SDK1: variants seen among roughly 807,000 people sequenced by gnomAD.
The protein encoded by SDK1 is sidekick cell adhesion molecule 1.
In SDK1, 157 loss-of-function variants were observed where a neutral mutation model predicts 245.5. The observed-to-expected ratio is 0.64, with a 90% CI of 0.56 to 0.73. The LOEUF (loss-of-function observed/expected upper bound fraction) is 0.73, where lower values mean the gene tolerates loss of function less well. SDK1 is among the 30% of genes least tolerant of loss of function. The pLI, the probability that SDK1 is intolerant of heterozygous loss-of-function variation, is 0.00. For missense variants in SDK1, 3,583 were observed against 3,002.3 expected (o/e 1.19, Z -4.52); for synonymous variants, 1,647 against 1,278.5 (o/e 1.29, Z -6.15).
intron 5 of SDK1, among the ~76,000 whole-genome samples, chr7:3,838,024 G>GTATT (rs1780065223): frequency 6.6e-6 from 1 of 152,178 alleles, no homozygotes; most frequent in East Asian, 1.9e-4. Flanking sequence ...ATACCTCCCT[G>GTATT]TATTTTGTAT....
intron 22 of SDK1, among the ~76,000 whole-genome samples, chr7:4,096,898 A>T (rs1782183629): frequency 6.6e-6 from 1 of 152,150 alleles, no homozygotes; most frequent in Admixed American, 6.5e-5. Flanking sequence ...GACTGTAAGG[A>T]TCTGTAGCCC....
chr7:3,573,520 C>T (rs1780183004), intron 1 of SDK1, among the ~76,000 whole-genome samples: 1 of 152,086 alleles, frequency 6.6e-6, no homozygotes, highest in South Asian at 2.1e-4. Context: ...CCCTGAGAAA[C>T]AACAGCCTCC....
intron 4 of SDK1, among the ~76,000 whole-genome samples, chr7:3,765,145 C>T (rs970185801): frequency 6.6e-6 from 1 of 151,880 alleles, no homozygotes; most frequent in Non-Finnish European, 1.5e-5. Context: ...TTAGCTTGTA[C>T]TAGAACAATA....
chr7:3,323,997 G>A lies in SDK1; in HGVS notation c.298+22113G>A, dbSNP rs77160621. ...CGTTTGGTCTCATATTCCTCTGTGT[G>A]TTACAAGAATTGTATCATGTTATCT... On this transcript the variant is annotated intron_variant, in intron 1 of 44. Transcript: ENST00000404826. Among the ~76,000 whole-genome samples the A allele has an allele frequency of 4.6e-3, 705 of 152,302 alleles. 7 individuals are homozygous for A. Among genetic ancestry groups the A allele is most frequent in the African/African-American group, 0.016 (676 of 41,574 alleles).
At chr7:4,091,978 C>T (rs1017926775) in intron 22 of SDK1, among the ~76,000 whole-genome samples, 4 of 152,124 alleles carry the variant, frequency 2.6e-5, no homozygotes, top group Admixed American at 6.6e-5. Context: ...CCAGGAAAGA[C>T]ATCGTGACAA....
At chr7:4,115,013 A>C (rs138682963) in intron 25 of SDK1, among the ~76,000 whole-genome samples, 1,736 of 152,304 alleles carry the variant, frequency 0.011, 15 homozygotes, top group Middle Eastern at 0.024. Flanking sequence ...TAATGCTGAA[A>C]GTGGCTGCCT....
chr7:3,534,838 A>C (rs1448456325), intron 1 of SDK1, among the ~76,000 whole-genome samples: 1 of 152,180 alleles, frequency 6.6e-6, no homozygotes, highest in African/African-American at 2.4e-5. Context: ...AGTTGTGCCA[A>C]TCATGTTCAA....
intron 4 of SDK1, among the ~76,000 whole-genome samples, chr7:3,693,344 C>T (rs975652090): frequency 6.6e-6 from 1 of 152,000 alleles, no homozygotes; most frequent in Admixed American, 6.6e-5. Flanking sequence ...TGTATTGTTT[C>T]ATAGTGTTAC....
At chr7:3,354,045 T>A (rs1394015911) in intron 1 of SDK1, among the ~76,000 whole-genome samples, 4 of 150,666 alleles carry the variant, frequency 2.7e-5, no homozygotes, top group African/African-American at 9.8e-5. Flanking sequence ...CAGGCTGGAG[T>A]GCAGTGGCGA....
At chr7:3,933,612 A>G (rs1780057427) in intron 5 of SDK1, among the ~76,000 whole-genome samples, 1 of 152,238 alleles carries the variant, frequency 6.6e-6, no homozygotes, top group African/African-American at 2.4e-5. Flanking sequence ...CAAACTTGAA[A>G]TAAACAAGAC....
intron 30 of SDK1, among the ~76,000 whole-genome samples, chr7:4,156,469 C>G (rs982037320): frequency 1.3e-5 from 2 of 152,114 alleles, no homozygotes; most frequent in Admixed American, 6.5e-5. Flanking sequence ...CAGTTGTGGA[C>G]GCTGAGTGCA....
At chr7:3,641,909 C>T (rs749330958) in intron 3 of SDK1, 49 bp from the exon 4 acceptor site, 10 of 1,537,858 alleles carry the variant, frequency 6.5e-6, no homozygotes, top group Non-Finnish European at 8.9e-6. Context: ...CCCCTTCCCT[C>T]CCCCAAAAAT....
At chr7:3,753,768 T>C (rs567579912) in intron 4 of SDK1, among the ~76,000 whole-genome samples, 31 of 152,334 alleles carry the variant, frequency 2.0e-4, no homozygotes, top group African/African-American at 7.5e-4. Flanking sequence ...AGACTGAATA[T>C]GGCTGAGTAT....
chr7:3,321,966 C>CT (rs899797806), intron 1 of SDK1, among the ~76,000 whole-genome samples: 10 of 151,152 alleles, frequency 6.6e-5, no homozygotes, highest in African/African-American at 2.0e-4. Flanking sequence ...CCTGTTTGCC[C>CT]TCTCCCTCTA....
intron 4 of SDK1, among the ~76,000 whole-genome samples, chr7:3,685,749 C>G (rs970863269): frequency 1.3e-5 from 2 of 151,886 alleles, no homozygotes; most frequent in African/African-American, 4.8e-5. Context: ...CCCATATAAC[C>G]ACTAAGAAAA....
At chr7:3,618,990 G>A (rs1242218159) in intron 1 of SDK1, 90 bp from the exon 2 acceptor site, 11 of 1,044,034 alleles carry the variant, frequency 1.1e-5, no homozygotes, top group Admixed American at 2.6e-5. Context: ...TTAATATTAC[G>A]TTTGTTTAAA....
intron 3 of SDK1, among the ~76,000 whole-genome samples, chr7:3,641,230 G>A (rs1330036066): frequency 6.6e-6 from 1 of 151,924 alleles, no homozygotes. Flanking sequence ...TGCCATATCT[G>A]TTTGTATATA....
Position 4,221,211 on chromosome 7 carries a change from C to T in SDK1, c.5702-28C>T, listed in dbSNP as rs778409248. 8 of 1,611,180 alleles carry T rather than the reference C, an allele frequency of 5.0e-6. No individual in the cohort carries two copies. In the South Asian group the frequency reaches 8.8e-5, roughly 18 times the overall value. On this transcript the variant is annotated intron_variant, in intron 39 of 44. Coordinates refer to ENST00000404826, the MANE Select transcript of SDK1 (RefSeq NM_152744.4). The stretch of plus-strand genomic sequence containing the variant: ...TGTGAGCCCCGCAGGGCTGATGCCT[C>T]ACCTCTCTTTTCTTCTTTATCCCGC...
intron 4 of SDK1, among the ~76,000 whole-genome samples, chr7:3,819,943 T>G (rs1779600912): frequency 6.6e-6 from 1 of 152,154 alleles, no homozygotes; most frequent in Non-Finnish European, 1.5e-5. Flanking sequence ...GAATACAGAT[T>G]TTAGATAATC....
Sources: allele counts gnomAD v4.1 joint callset (sites outside exome capture counted in the v4.1 genomes callset), GRCh38; gene constraint gnomAD v4.1.1; transcripts MANE v1.5; gene names NCBI Gene and HGNC (gene_info 2026-07-23, HGNC 2026-07-21).